SRL: variants seen among roughly 807,000 people sequenced by gnomAD.
SRL encodes the protein sarcalumenin.
A neutral mutation model predicts 39.5 loss-of-function variants in SRL; 23 were observed. The ratio of observed to expected loss-of-function variants is 0.58; its 90% CI spans 0.42 to 0.82. SRL has a LOEUF of 0.82. SRL is among the 40% of genes least tolerant of loss of function. SRL has a pLI of 0.00. For missense variants in SRL, 592 were observed against 607.8 expected (o/e 0.97, Z 0.27); for synonymous variants, 272 against 237.4 (o/e 1.15, Z -1.34).
chr16:4,195,028 G>A (rs554026108), intron 5 of SRL, among the ~76,000 whole-genome samples: 88 of 151,806 alleles, frequency 5.8e-4, no homozygotes, highest in Middle Eastern at 3.4e-3. Context: ...CCGAGTAGCT[G>A]GGACTACAGT....
intron 1 of SRL, among the ~76,000 whole-genome samples, chr16:4,227,827 T>C (rs2052609903): frequency 6.6e-6 from 1 of 152,212 alleles, no homozygotes; most frequent in Admixed American, 6.5e-5. Flanking sequence ...CTACATGAAC[T>C]GAACTGCTGA....
intron 1 of SRL, among the ~76,000 whole-genome samples, chr16:4,233,351 T>C (rs920760437): frequency 2.6e-5 from 4 of 152,216 alleles, no homozygotes; most frequent in Non-Finnish European, 4.4e-5. Flanking sequence ...TTAGACCTTG[T>C]TGACTGCCTT....
chr16:4,235,710 A>G (rs987296952), intron 1 of SRL, among the ~76,000 whole-genome samples: 7 of 152,140 alleles, frequency 4.6e-5, no homozygotes, highest in Non-Finnish European at 8.8e-5. Context: ...CAAAAAAATA[A>G]ATAAAAATTA....
rs372982059 is a variant in SRL, at chr16:4,197,784, A to G, written c.376+15T>C. On this transcript the variant is annotated intron_variant, in intron 4 of 5. Transcript: ENST00000399609. The stretch of plus-strand genomic sequence containing the variant: ...AACATTCAAATCCCAACAATCACAC[A>G]AGAATATTGATTACCTGTATAGAGC... 20 of 1,519,524 alleles carry G rather than the reference A, an allele frequency of 1.3e-5. No individual in the cohort carries two copies. The African/African-American group carries it at 2.7e-4, about 21-fold the overall frequency. 94.1% of individuals were successfully genotyped at this position (1,519,524 alleles called of 1,614,324 possible).
rs139752568 is a variant in SRL, at chr16:4,198,164, C to T, written c.260-249G>A. Among the ~76,000 whole-genome samples, 499 of 152,340 alleles carry T rather than the reference C, an allele frequency of 3.3e-3. 1 individual carries two copies. The highest frequency in any genetic ancestry group is 0.01 in the African/African-American group (429 of 41,592). ...CGTCTGCCCCCACCACAAGAAGGATCTCAGTGAATTCAACAAACCCTGACT... is the reference window on the plus strand; with the variant it reads ...CGTCTGCCCCCACCACAAGAAGGATTTCAGTGAATTCAACAAACCCTGACT... On this transcript the variant is annotated intron_variant, in intron 3 of 5. Transcript: ENST00000399609.
chr16:4,192,009 G>C lies in SRL; in HGVS notation c.*144C>G. The C allele has an allele frequency of 1.1e-6, 1 of 889,736 alleles. No individual in the cohort carries two copies. Among genetic ancestry groups the C allele is most frequent in the Non-Finnish European group, 1.7e-6 (1 of 579,300 alleles). 55.1% of individuals were successfully genotyped at this position (889,736 alleles called of 1,614,324 possible). ...CTCCCTAGACCCACACACCTGCCCC[G>C]ACCCCTGGCCTCAATGAACTCCCAA... On this transcript the variant is annotated 3_prime_UTR_variant, in exon 6 of 6. Coordinates refer to ENST00000399609, the MANE Select transcript of SRL (RefSeq NM_001098814.2). This position sits in a 1 kb window ranked among gnomAD's most constrained non-coding sequence, Gnocchi z 4.0.
chr16:4,196,567 C>T (rs1232937854), intron 4 of SRL, among the ~76,000 whole-genome samples: 6 of 150,824 alleles, frequency 4.0e-5, no homozygotes, highest in African/African-American at 7.3e-5. Context: ...CTGCAACCTC[C>T]GCCCCCGGGT....
chr16:4,190,214 C>T lies in SRL; in HGVS notation c.*1939G>A, dbSNP rs778142940. The stretch of plus-strand genomic sequence containing the variant: ...CCAGAGTGATAACAATTCTGAGAAC[C>T]GGGAATTCCTAACTCGAGGTTCTCC... On this transcript the variant is annotated 3_prime_UTR_variant, in exon 6 of 6. Transcript: ENST00000399609. 4.5e-5 allele frequency: 18 copies of T among 398,410 alleles called. No individual in the cohort carries two copies. Among genetic ancestry groups the T allele is most frequent in the Non-Finnish European group, 6.2e-5 (14 of 226,140 alleles). The allele number at this position is 398,410 out of a possible 1,614,324, so 24.7% of individuals were successfully genotyped here. A position where few individuals can be genotyped will look rare whatever the true frequency, so the allele number is the denominator to read the frequency against.
chr16:4,222,602 C>T (rs2052542723), intron 1 of SRL, among the ~76,000 whole-genome samples: 1 of 152,018 alleles, frequency 6.6e-6, no homozygotes, highest in African/African-American at 2.4e-5. Flanking sequence ...AACCTGTGTC[C>T]CTCCATAGAT....
chr16:4,207,938 G>A (rs771392724), intron 1 of SRL: 35 of 456,588 alleles, frequency 7.7e-5, no homozygotes, highest in Non-Finnish European at 1.3e-4. Context: ...TGGGGCTCTC[G>A]GCCTCCCTGC....
intron 1 of SRL, among the ~76,000 whole-genome samples, chr16:4,228,854 A>C (rs113944566): frequency 6.6e-6 from 1 of 152,194 alleles, no homozygotes; most frequent in Admixed American, 6.5e-5. Context: ...GGACTGAGCC[A>C]CAGCCACAAG....
intron 1 of SRL, among the ~76,000 whole-genome samples, chr16:4,241,404 G>A (rs1462156442): frequency 1.3e-5 from 2 of 152,206 alleles, no homozygotes; most frequent in Non-Finnish European, 2.9e-5. Context: ...CCCGAGCAGA[G>A]GCTCTACTCC....
chr16:4,208,751 G>A (rs2052357006), intron 1 of SRL, among the ~76,000 whole-genome samples: 1 of 151,598 alleles, frequency 6.6e-6, no homozygotes, highest in South Asian at 2.1e-4. Flanking sequence ...GCAGGCATTT[G>A]CTGGCCCCCC....
At chr16:4,236,505 G>A (rs2052715225) in intron 1 of SRL, among the ~76,000 whole-genome samples, 1 of 152,094 alleles carries the variant, frequency 6.6e-6, no homozygotes. Flanking sequence ...TGACCTCAGA[G>A]CCTCCCTCTC....
chr16:4,226,344 G>A (rs1286377203), intron 1 of SRL, among the ~76,000 whole-genome samples: 3 of 152,088 alleles, frequency 2.0e-5, no homozygotes, highest in South Asian at 4.1e-4. Context: ...ATGAACAGAC[G>A]AATGGATGGA....
At chr16:4,210,015 G>A (rs79606281) in intron 1 of SRL, among the ~76,000 whole-genome samples, 1,558 of 152,262 alleles carry the variant, frequency 0.01, 28 homozygotes, top group African/African-American at 0.036. Context: ...GCTCCGTACT[G>A]GTCCTGGCTC....
intron 1 of SRL, among the ~76,000 whole-genome samples, chr16:4,228,028 C>T (rs533703747): frequency 6.6e-6 from 1 of 152,198 alleles, no homozygotes; most frequent in East Asian, 1.9e-4. Context: ...TGTGTGGGGA[C>T]AGTGGCTGTG....
chr16:4,213,240 T>G (rs997809413), intron 1 of SRL, among the ~76,000 whole-genome samples: 1 of 152,092 alleles, frequency 6.6e-6, no homozygotes, highest in Non-Finnish European at 1.5e-5. Flanking sequence ...TCTGCCCCAG[T>G]GTCCACAGAG....
chr16:4,211,975 G>A (rs1015281871), intron 1 of SRL, among the ~76,000 whole-genome samples: 23 of 152,300 alleles, frequency 1.5e-4, no homozygotes, highest in African/African-American at 5.5e-4. Flanking sequence ...ATTTCTGACA[G>A]TCTCAAAAGC....
Sources: gnomAD v4.1 joint callset for allele counts (sites outside exome capture counted in the v4.1 genomes callset) on GRCh38, gnomAD v4.1.1 for gene constraint, Gnocchi (gnomAD v3.1) non-coding constraint, MANE v1.5 for transcripts, NCBI Gene and HGNC (gene_info 2026-07-23, HGNC 2026-07-21) for gene names.